CACNA1B: variants seen among roughly 807,000 people sequenced by gnomAD.
CACNA1B encodes voltage-dependent N-type calcium channel subunit alpha-1B.
A neutral mutation model predicts 247.2 loss-of-function variants in CACNA1B; 70 were observed. The observed-to-expected ratio is 0.28, with a 90% CI of 0.23 to 0.35. The LOEUF (loss-of-function observed/expected upper bound fraction) is 0.35. CACNA1B is among the 10% of genes least tolerant of loss of function. CACNA1B has a pLI of 1.00. For missense variants in CACNA1B, 2,367 were observed against 3,197.4 expected (o/e 0.74, Z 6.26); for synonymous variants, 1,231 against 1,294.4 (o/e 0.95, Z 1.05).
chr9:137,878,925 G>A lies in CACNA1B; in HGVS notation c.285-129G>A, dbSNP rs183827808. On this transcript the variant is annotated intron_variant, in intron 1 of 46. Transcript: ENST00000371372. ...ACCAGGCCGCTTCCGCCAGGAGAGG[G>A]GCTCCGGACCCAGTTGTCTCAGCCC... 2.3e-4 allele frequency: 140 copies of A among 604,062 alleles called. 1 individual carries two copies. Among genetic ancestry groups the A allele is most frequent in the African/African-American group, 1.8e-3 (99 of 54,092 alleles). 37.4% of individuals were successfully genotyped at this position (604,062 alleles called of 1,614,324 possible). A position where few individuals can be genotyped will look rare whatever the true frequency, so the allele number is the denominator to read the frequency against.
chr9:138,037,559 T>C (rs1959061385), intron 20 of CACNA1B, among the ~76,000 whole-genome samples: 1 of 152,052 alleles, frequency 6.6e-6, no homozygotes, highest in African/African-American at 2.4e-5. Flanking sequence ...TTCAGGAGGC[T>C]GAGCCAGGAG....
At chr9:137,890,266 C>T (rs1366915731) in intron 3 of CACNA1B, 4 of 149,652 alleles carry the variant, frequency 2.7e-5, no homozygotes, top group African/African-American at 9.7e-5. Context: ...CTCTGCGGAT[C>T]TTTCACCATG....
chr9:137,940,147 G>T (rs1461896430), intron 6 of CACNA1B, among the ~76,000 whole-genome samples: 1 of 151,928 alleles, frequency 6.6e-6, no homozygotes. Context: ...TCTTTGATAA[G>T]GTAAATAAAA....
intron 31 of CACNA1B, among the ~76,000 whole-genome samples, chr9:138,062,248 C>T (rs1337758478): frequency 6.6e-6 from 1 of 152,184 alleles, no homozygotes; most frequent in East Asian, 1.9e-4. Context: ...GGGCTCTGCT[C>T]CACCTCTGTC....
chr9:138,098,974 G>A (rs1395131925), intron 37 of CACNA1B, among the ~76,000 whole-genome samples: 2 of 152,262 alleles, frequency 1.3e-5, no homozygotes, highest in Non-Finnish European at 2.9e-5. Context: ...GCAGAGCACA[G>A]GGCACCTTGA....
rs1265813277 is a variant in CACNA1B, at chr9:137,919,408, C to A, written c.966+1977C>A. 6.6e-6 allele frequency among the ~76,000 whole-genome samples: 1 copy of A among 152,202 alleles called. No individual in the cohort carries two copies. Among genetic ancestry groups the A allele is most frequent in the Non-Finnish European group, 1.5e-5 (1 of 68,032 alleles). ...AACCAGACATGCAGATGCTACAACA[C>A]CTTGGAAGCTTGGCCGGGGCAGCAA... is the stretch of plus-strand genomic sequence containing the variant. On this transcript the variant is annotated intron_variant, in intron 6 of 46. Coordinates refer to ENST00000371372, the MANE Select transcript of CACNA1B (RefSeq NM_000718.4). This position sits in a 1 kb window ranked among gnomAD's most constrained non-coding sequence, Gnocchi z 4.6.
At chr9:137,928,010 T>A (rs890656687) in intron 6 of CACNA1B, among the ~76,000 whole-genome samples, 1 of 152,240 alleles carries the variant, frequency 6.6e-6, no homozygotes, top group Non-Finnish European at 1.5e-5. Context: ...ATTCTCTTTA[T>A]GTGTTGCTGA....
intron 3 of CACNA1B, among the ~76,000 whole-genome samples, chr9:137,904,941 G>A (rs1957281205): frequency 6.6e-6 from 1 of 152,144 alleles, no homozygotes; most frequent in South Asian, 2.1e-4. Flanking sequence ...CATGATAAAT[G>A]TGGGTTTGTT....
Position 138,057,819 on chromosome 9 carries a change from C to G in CACNA1B, c.4056C>G (p.Leu1352=). Reference sequence around the variant, plus strand: ...ACGACTTTCACTACGACAATGTGCTCTGGGCTCTGCTGACGCTGTTCACAG... The same window carrying G: ...ACGACTTTCACTACGACAATGTGCTGTGGGCTCTGCTGACGCTGTTCACAG... ...KKYDFHYDNV[L]WALLTLFTVS... Residue 1352 remains leucine, a synonymous_variant, in exon 27 of 47, where the codon CTC becomes CTG. Coordinates refer to ENST00000371372, the MANE Select transcript of CACNA1B (RefSeq NM_000718.4). The surrounding 1 kb of genome is among the most constrained non-coding windows in gnomAD (Gnocchi z 4.0). 4 of 1,612,336 alleles carry G rather than the reference C, an allele frequency of 2.5e-6. No homozygotes were observed. The highest frequency in any genetic ancestry group is 1.7e-4 in the Middle Eastern group (1 of 6,056).
Position 138,118,694 on chromosome 9 carries a change from G to T in CACNA1B, c.5956G>T (p.Asp1986Tyr). ...QMQSITRRGP[D>Y]GEPQPGLESQ... ...GCAGAGCATAACCCGGAGGGGCCCT[G>T]ATGGGGAGCCCCAGCCTGGGCTGGA... Residue 1986 changes from aspartate to tyrosine, a missense_variant, in exon 44 of 47, where the codon GAT (aspartate) becomes TAT (tyrosine). Asp to Tyr is a radical substitution (Grantham distance 160). This residue lies in a region of CACNA1B where 773 missense variants were observed against 779.4 expected (regional missense o/e 0.99). Transcript: ENST00000371372. 1 of 1,567,976 alleles carries T rather than the reference G, an allele frequency of 6.4e-7. No individual in the cohort carries two copies.
At chr9:137,951,394 G>A (rs1195917584) in intron 6 of CACNA1B, among the ~76,000 whole-genome samples, 6 of 152,134 alleles carry the variant, frequency 3.9e-5, no homozygotes, top group South Asian at 2.1e-4. Context: ...ATCAGCGCCC[G>A]CTGCAGGGCA....
chr9:138,088,692 C>T (rs560305636), intron 36 of CACNA1B, among the ~76,000 whole-genome samples: 3 of 151,914 alleles, frequency 2.0e-5, no homozygotes, highest in South Asian at 4.2e-4. Context: ...TGGTGGCTTA[C>T]GTTTGTAATC....
chr9:138,023,141 GCCA>G lies in CACNA1B; in HGVS notation c.2400_2402del (p.Thr802del), dbSNP rs1453035676. On this transcript the variant is annotated inframe_deletion, in exon 19 of 47. Transcript: ENST00000371372. ...GGACCCCGAGGAGCGGCTGCGCTTC[GCCA>G]CTACGCGCCACCTGCGGCCCGACAT... 2 of 1,535,888 alleles carry G rather than the reference GCCA, an allele frequency of 1.3e-6. No individual in the cohort carries two copies. Among genetic ancestry groups the G allele is most frequent in the Non-Finnish European group, 1.7e-6 (2 of 1,149,088 alleles).
At chr9:138,113,161 C>T (rs976682031) in intron 40 of CACNA1B, among the ~76,000 whole-genome samples, 2 of 140,616 alleles carry the variant, frequency 1.4e-5, no homozygotes, top group African/African-American at 5.4e-5. Flanking sequence ...CCAACTCCAT[C>T]TTATGGGAAC....
intron 21 of CACNA1B, among the ~76,000 whole-genome samples, chr9:138,044,459 G>A (rs1318470433): frequency 6.6e-6 from 1 of 152,214 alleles, no homozygotes; most frequent in African/African-American, 2.4e-5. Context: ...TGGGAGAGGC[G>A]GACGACAGAC....
chr9:138,021,874 C>T (rs1958849319), intron 18 of CACNA1B, among the ~76,000 whole-genome samples: 1 of 152,250 alleles, frequency 6.6e-6, no homozygotes, highest in Non-Finnish European at 1.5e-5. Flanking sequence ...GTAGTCACTG[C>T]TGCCGCCAAG....
intron 12 of CACNA1B, among the ~76,000 whole-genome samples, chr9:137,982,726 A>G (rs1386571497): frequency 3.3e-5 from 5 of 152,334 alleles, no homozygotes; most frequent in African/African-American, 1.2e-4. Context: ...GCTAGTGCAG[A>G]GAAAAGTTGG....
At position 137,955,659 on chromosome 9, in the gene CACNA1B, C is replaced by T. The variant is rs754086476; in HGVS notation, c.1071-39C>T. 1 of 1,362,420 alleles carries T rather than the reference C, an allele frequency of 7.3e-7. No individual in the cohort carries two copies. The highest frequency in any genetic ancestry group is 1.0e-6 in the Non-Finnish European group (1 of 962,680). 84.4% of individuals were successfully genotyped at this position (1,362,420 alleles called of 1,614,324 possible). A position where few individuals can be genotyped will look rare whatever the true frequency, so the allele number is the denominator to read the frequency against. On this transcript the variant is annotated intron_variant, in intron 7 of 46. Transcript: ENST00000371372. The surrounding 1 kb of genome is among the most constrained non-coding windows in gnomAD (Gnocchi z 6.9). The stretch of plus-strand genomic sequence containing the variant: ...TGGGGCTGCACACCTGTGGGGCTTG[C>T]ACTCACCTGATCTTGCTTTTCCGGC...
chr9:138,005,915 T>C (rs573892879), intron 15 of CACNA1B, among the ~76,000 whole-genome samples: 67 of 151,828 alleles, frequency 4.4e-4, no homozygotes, highest in African/African-American at 1.5e-3. Context: ...AGGTGGTGGG[T>C]GCCTGTAGTC....
Sources: allele counts gnomAD v4.1 joint callset (sites outside exome capture counted in the v4.1 genomes callset), GRCh38; gene constraint gnomAD v4.1.1; regional missense constraint gnomAD v4.1.1; non-coding constraint Gnocchi (gnomAD v3.1); transcripts MANE v1.5; gene names NCBI Gene and HGNC (gene_info 2026-07-23, HGNC 2026-07-21).